Variants in FNBP1L observed in about 807,000 individuals in gnomAD.
FNBP1L encodes formin-binding protein 1-like.
Under a neutral mutation model 91.2 loss-of-function variants are expected in FNBP1L, and 36 were observed. That is an observed-to-expected ratio of 0.39 (90% CI 0.30 to 0.52). The LOEUF is 0.52. Among genes scored for constraint, FNBP1L ranks in the 20% least tolerant of loss-of-function variants. FNBP1L has a pLI of 0.66. For missense variants in FNBP1L, 571 were observed against 732.1 expected (o/e 0.78, Z 2.54); for synonymous variants, 242 against 237.0 (o/e 1.02, Z -0.19).
At chr1:93,551,322 G>T in intron 16 of FNBP1L, 1 of 1,227,988 alleles carries the variant, frequency 8.1e-7, no homozygotes, top group Non-Finnish European at 1.0e-6. Flanking sequence ...TTTGAGTAAC[G>T]TTGGTGTGAA....
intron 1 of FNBP1L, among the ~76,000 whole-genome samples, chr1:93,449,435 GA>G (rs748190233): frequency 3.9e-5 from 6 of 152,216 alleles, no homozygotes; most frequent in Non-Finnish European, 8.8e-5. Flanking sequence ...TCACTGCAGA[GA>G]AAGGGGAGAA....
intron 2 of FNBP1L, among the ~76,000 whole-genome samples, chr1:93,508,595 G>C (rs964059850): frequency 6.6e-6 from 1 of 152,086 alleles, no homozygotes; most frequent in Admixed American, 6.5e-5. Flanking sequence ...TTTTAAAATT[G>C]CTTAGGACTA....
chr1:93,468,719 C>G (rs868525319), intron 1 of FNBP1L, among the ~76,000 whole-genome samples: 2 of 152,336 alleles, frequency 1.3e-5, no homozygotes, highest in Middle Eastern at 6.8e-3. Flanking sequence ...GTGTAAGCCA[C>G]TACACCTGGC....
chr1:93,538,259 A>T (rs868730922), intron 10 of FNBP1L, among the ~76,000 whole-genome samples: 118 of 144,858 alleles, frequency 8.1e-4, no homozygotes, highest in Non-Finnish European at 8.9e-4. Flanking sequence ...GTGTCATCTT[A>T]TTTTTTTTTT....
intron 1 of FNBP1L, among the ~76,000 whole-genome samples, chr1:93,461,797 T>A (rs541620860): frequency 1.3e-5 from 2 of 152,172 alleles, no homozygotes; most frequent in Non-Finnish European, 1.5e-5. Context: ...AAAACAAATA[T>A]GTGGATATTT....
At chr1:93,500,706 G>T (rs144027851) in intron 2 of FNBP1L, among the ~76,000 whole-genome samples, 1 of 151,344 alleles carries the variant, frequency 6.6e-6, no homozygotes, top group East Asian at 1.9e-4. Flanking sequence ...AAGGAAGGGG[G>T]AGTTACTTGA....
chr1:93,472,705 G>A (rs943954283), intron 1 of FNBP1L, among the ~76,000 whole-genome samples: 2 of 150,394 alleles, frequency 1.3e-5, no homozygotes, highest in Admixed American at 6.7e-5. Flanking sequence ...CCAGCTACTC[G>A]GGAGGCTGAG....
At chr1:93,519,258 C>G (rs936239628) in intron 2 of FNBP1L, among the ~76,000 whole-genome samples, 4 of 152,182 alleles carry the variant, frequency 2.6e-5, no homozygotes, top group African/African-American at 9.7e-5. Flanking sequence ...TTACTACTTG[C>G]AATTCTCTAG....
chr1:93,546,951 C>T lies in FNBP1L; in HGVS notation c.1384C>T (p.Arg462Ter), dbSNP rs777402212. 4 of 1,611,934 alleles carry T rather than the reference C, an allele frequency of 2.5e-6. No individual in the cohort carries two copies. The highest frequency in any genetic ancestry group is 3.4e-5 in the Admixed American group (2 of 59,696). The change falls in exon 13 of 17, where the codon CGA (arginine) becomes TGA (stop). Residue 462 changes from arginine to a stop codon, truncating the protein, a stop_gained. Transcript: ENST00000271234. LOFTEE classifies it high-confidence loss of function. ...GACCATGAATAACATTGACCGCCTACGAATGGAAATCCATAAGAATGAGGT... is the reference window on the plus strand; with the variant it reads ...GACCATGAATAACATTGACCGCCTATGAATGGAAATCCATAAGAATGAGGT... Reference protein sequence around the residue: ...AETMNNIDRLRMEIHKNEAWL... With the variant: ...AETMNNIDRL
At chr1:93,517,242 C>CA (rs1671157688) in intron 2 of FNBP1L, among the ~76,000 whole-genome samples, 1 of 152,090 alleles carries the variant, frequency 6.6e-6, no homozygotes, top group African/African-American at 2.4e-5. Flanking sequence ...GACAGGTTTT[C>CA]AGCATGTTGG....
intron 1 of FNBP1L, among the ~76,000 whole-genome samples, chr1:93,491,148 G>A (rs1670077358): frequency 1.3e-5 from 2 of 151,934 alleles, no homozygotes; most frequent in South Asian, 4.1e-4. Context: ...GTCTTGCTGT[G>A]TTACCCAGGC....
At chr1:93,461,070 C>T (rs1354725446) in intron 1 of FNBP1L, among the ~76,000 whole-genome samples, 3 of 151,946 alleles carry the variant, frequency 2.0e-5, no homozygotes, top group Non-Finnish European at 4.4e-5. Context: ...AGAGGCTTTC[C>T]TCAAGTATTT....
chr1:93,467,612 C>G (rs1054618021), intron 1 of FNBP1L, among the ~76,000 whole-genome samples: 2 of 152,028 alleles, frequency 1.3e-5, no homozygotes, highest in Non-Finnish European at 2.9e-5. Context: ...CTGAACTGTA[C>G]ACTTAAAAAT....
intron 1 of FNBP1L, among the ~76,000 whole-genome samples, chr1:93,495,562 CA>C (rs1670234600): frequency 6.6e-6 from 1 of 152,132 alleles, no homozygotes; most frequent in African/African-American, 2.4e-5. Context: ...AGGCTATTTA[CA>C]GTGTTTCCAA....
At chr1:93,524,344 G>T (rs540186784) in intron 5 of FNBP1L, 21 bp downstream of exon 5, 62 of 1,465,922 alleles carry the variant, frequency 4.2e-5, no homozygotes, top group Non-Finnish European at 5.1e-5. Flanking sequence ...ACATTTTCAT[G>T]GTTAACATAA....
intron 10 of FNBP1L, 108 bp from the exon 11 acceptor site, chr1:93,540,934 C>A: frequency 2.2e-6 from 2 of 912,972 alleles, no homozygotes; most frequent in Admixed American, 2.4e-5. Flanking sequence ...GTGAAATGTA[C>A]GTGATTTATT....
In FNBP1L at chr1:93,485,151, T is replaced by TAA. The variant is rs34866392; in HGVS notation, c.25-14301_25-14300dup. ...GAGCAACAGAATGAGACCCTATCTCTAAAAAAAAAAAAAAAAAGGAAAGAA... is the reference window on the plus strand; with the variant it reads ...GAGCAACAGAATGAGACCCTATCTCTAAAAAAAAAAAAAAAAAAAGGAAAGAA... On this transcript the variant is annotated intron_variant, in intron 1 of 16. Coordinates refer to ENST00000271234, the MANE Select transcript of FNBP1L (RefSeq NM_001164473.3). Among the ~76,000 whole-genome samples the TAA allele has an allele frequency of 4.5e-3, 562 of 126,002 alleles. 2 individuals carry two copies. Among genetic ancestry groups the TAA allele is most frequent in the East Asian group, 0.017 (73 of 4,404 alleles). The allele number at this position is 126,002 out of a possible 152,430, so 82.7% of individuals were successfully genotyped here. A position where few individuals can be genotyped will look rare whatever the true frequency, so the allele number is the denominator to read the frequency against.
At chr1:93,495,295 A>G (rs1349674106) in intron 1 of FNBP1L, among the ~76,000 whole-genome samples, 2 of 152,234 alleles carry the variant, frequency 1.3e-5, no homozygotes, top group Non-Finnish European at 1.5e-5. Context: ...TAATGTTTCA[A>G]TAAAGTAGTT....
At position 93,546,943 on chromosome 1, in the gene FNBP1L, A is replaced by G. The variant is rs1300976000; in HGVS notation, c.1376A>G (p.Asp459Gly). ...PKLAETMNNI[D>G]RLRMEIHKNE... ...TTAGCAGAGACCATGAATAACATTGACCGCCTACGAATGGAAATCCATAAG... is the reference window on the plus strand; with the variant it reads ...TTAGCAGAGACCATGAATAACATTGGCCGCCTACGAATGGAAATCCATAAG... Residue 459 changes from aspartate to glycine, a missense_variant, in exon 13 of 17, where the codon GAC (aspartate) becomes GGC (glycine). Transcript: ENST00000271234. 1 of 1,612,460 alleles carries G rather than the reference A, an allele frequency of 6.2e-7. No individual in the cohort carries two copies. The highest frequency in any genetic ancestry group is 8.5e-7 in the Non-Finnish European group (1 of 1,179,270).
Sources: allele counts gnomAD v4.1 joint callset (sites outside exome capture counted in the v4.1 genomes callset), GRCh38; gene constraint gnomAD v4.1.1; transcripts MANE v1.5; gene names NCBI Gene and HGNC (gene_info 2026-07-23, HGNC 2026-07-21).